The following BTBD7 variants were observed in gnomAD, a reference collection of about 807,000 sequenced individuals.
BTBD7 encodes the protein BTB/POZ domain-containing protein 7.
A neutral mutation model predicts 99.9 loss-of-function variants in BTBD7; 38 were observed. That is an observed-to-expected ratio of 0.38 (90% CI 0.29 to 0.50). The LOEUF (loss-of-function observed/expected upper bound fraction) is 0.50, where lower values mean the gene tolerates loss of function less well. Ranked by LOEUF, BTBD7 falls within the 20% of genes least tolerant of loss-of-function variation. The pLI, the probability that BTBD7 is intolerant of heterozygous loss-of-function variation, is 0.93. For synonymous variants in BTBD7, 520 were observed against 511.4 expected (o/e 1.02, Z -0.23); for missense variants, 1,170 against 1,394.6 (o/e 0.84, Z 2.57).
chr14:93,263,048 T>C (rs1389352772), intron 4 of BTBD7, among the ~76,000 whole-genome samples: 1 of 152,218 alleles, frequency 6.6e-6, no homozygotes, highest in Non-Finnish European at 1.5e-5. Flanking sequence ...GGTAGCATTT[T>C]ATTATTTTTC....
intron 1 of BTBD7, among the ~76,000 whole-genome samples, chr14:93,314,843 T>G (rs1390688235): frequency 6.6e-6 from 1 of 152,206 alleles, no homozygotes; most frequent in Non-Finnish European, 1.5e-5. Flanking sequence ...CATTGCTATT[T>G]TAATCTCTTA....
rs76765612 is a variant in BTBD7 at position 93,319,120 on chromosome 14, C to T, written c.-107+13700G>A. On this transcript the variant is annotated intron_variant, in intron 1 of 10. Coordinates refer to ENST00000334746, the MANE Select transcript of BTBD7 (RefSeq NM_001002860.4). ...TACTCCGGAGGCTGAGATGAGGGAT[C>T]ACTTGAGTCCAGGCATTTGAGGTTA... Among the ~76,000 whole-genome samples, 688 of 152,310 alleles carry T rather than the reference C, an allele frequency of 4.5e-3. 3 individuals are homozygous for T. Among genetic ancestry groups the T allele is most frequent in the African/African-American group, 0.016 (654 of 41,564 alleles).
chr14:93,317,363 CTTTTTTT>C (rs35376162), intron 1 of BTBD7, among the ~76,000 whole-genome samples: 2 of 146,428 alleles, frequency 1.4e-5, no homozygotes, highest in African/African-American at 5.0e-5. Flanking sequence ...AATGTTGATA[CTTTTTTT>C]TTTTTTTAAG....
chr14:93,249,908 T>C (rs903368758), intron 8 of BTBD7, among the ~76,000 whole-genome samples: 8 of 152,180 alleles, frequency 5.3e-5, no homozygotes, highest in Non-Finnish European at 8.8e-5. Flanking sequence ...GTGATTATTA[T>C]TTTTTAGGGA....
Position 93,305,674 on chromosome 14 carries a change from T to C in BTBD7, c.-106-9517A>G, listed in dbSNP as rs959541300. On this transcript the variant is annotated intron_variant, in intron 1 of 10. Coordinates refer to ENST00000334746, the MANE Select transcript of BTBD7 (RefSeq NM_001002860.4). ...GATATTCTTGGCCCTGTTAAGGCAA[T>C]GAAAGTCTGCATCTTAAAACTCTAT... 2.0e-5 allele frequency among the ~76,000 whole-genome samples: 3 copies of C among 152,360 alleles called. No individual in the cohort carries two copies. In the South Asian group the frequency reaches 6.2e-4, roughly 32 times the overall value.
intron 1 of BTBD7, among the ~76,000 whole-genome samples, chr14:93,297,367 GGCTGGAGTGCAGTGGC>G (rs2052941950): frequency 6.6e-6 from 1 of 152,214 alleles, no homozygotes; most frequent in Non-Finnish European, 1.5e-5. Flanking sequence ...CTGGCGCCCA[GGCTGGAGTGCAGTGGC>G]GCAATCTCGG....
Position 93,251,634 on chromosome 14 carries a change from T to C in BTBD7, c.1771A>G (p.Met591Val), listed in dbSNP as rs2139685245. The C allele has an allele frequency of 6.2e-7, 1 of 1,612,710 alleles. No individual in the cohort carries two copies. Among genetic ancestry groups the C allele is most frequent in the Non-Finnish European group, 8.5e-7 (1 of 1,179,018 alleles). ...CGCACAAGATCCGTTTGTTCCACCA[T>C]CATCTCATCTAGCACTGACTGAAAT... ...EEAKSVLDEM[M>V]VEQTDLVRLR... The change falls in exon 8 of 11, where the codon ATG (methionine) becomes GTG (valine). Residue 591 changes from methionine (M) to valine (V), a missense_variant. Around this residue, in one of 4 missense-constraint regions of BTBD7, gnomAD observed 309 missense variants for 342.0 expected, o/e 0.90. Transcript: ENST00000334746.
intron 7 of BTBD7, among the ~76,000 whole-genome samples, chr14:93,251,875 T>C (rs1295468904): frequency 6.6e-6 from 1 of 152,232 alleles, no homozygotes; most frequent in Non-Finnish European, 1.5e-5. Context: ...AAAAGTCTGC[T>C]TTTAATTAGA....
intron 3 of BTBD7, among the ~76,000 whole-genome samples, chr14:93,264,459 C>G (rs1481691584): frequency 6.6e-6 from 1 of 152,154 alleles, no homozygotes; most frequent in African/African-American, 2.4e-5. Flanking sequence ...GAAAACATAG[C>G]ACCTTGCATT....
intron 1 of BTBD7, among the ~76,000 whole-genome samples, chr14:93,298,981 A>G (rs2052961732): frequency 6.6e-6 from 1 of 152,208 alleles, no homozygotes; most frequent in Admixed American, 6.5e-5. Flanking sequence ...TTTGGGAGTT[A>G]GGGAAAATCT....
intron 1 of BTBD7, among the ~76,000 whole-genome samples, chr14:93,331,887 C>CCCCG (rs534688480): frequency 4.7e-5 from 7 of 147,736 alleles, no homozygotes; most frequent in African/African-American, 1.9e-4. Flanking sequence ...TCTCCCCCCC[C>CCCCG]CCAAAAAGGT....
At position 93,242,373 on chromosome 14, in the gene BTBD7, C is replaced by A; in HGVS notation, c.3299G>T (p.Gly1100Val). The A allele has an allele frequency of 6.2e-6, 10 of 1,614,214 alleles. No homozygotes were observed. Among genetic ancestry groups the A allele is most frequent in the Non-Finnish European group, 8.5e-6 (10 of 1,180,034 alleles). Residue 1100 changes from glycine to valine, a missense_variant, in exon 11 of 11, where the codon GGA becomes GTA. Physicochemically the swap from Gly to Val is moderately radical, Grantham distance 109. Transcript: ENST00000334746. ...RLADSESLGH[G>V]AQRNTDLERE... ...TTCCAAATCTGTATTTCTCTGAGCT[C>A]CATGGCCCAGGGACTCACTGTCTGC...
At chr14:93,252,052 G>A (rs2052374040) in intron 7 of BTBD7, among the ~76,000 whole-genome samples, 1 of 152,158 alleles carries the variant, frequency 6.6e-6, no homozygotes, top group African/African-American at 2.4e-5. Flanking sequence ...ACTCATGCCT[G>A]TAATCCCAGC....
chr14:93,294,762 C>A lies in BTBD7; in HGVS notation c.258G>T (p.Met86Ile), dbSNP rs2052903796. Residue 86 changes from methionine (M) to isoleucine (I), a missense_variant, in exon 3 of 11, where the codon ATG (methionine) becomes ATT (isoleucine). By Grantham distance (10) the Met-to-Ile change is conservative. Transcript: ENST00000334746. Reference sequence around the variant, plus strand: ...CATCCCACCCAGAGAGGAGTTCTCGCATCTGCTTGGCATGATCGGCAGACC... The same window carrying A: ...CATCCCACCCAGAGAGGAGTTCTCGAATCTGCTTGGCATGATCGGCAGACC... ...SNRSADHAKQ[M>I]RELLSGWDVR... 6.2e-7 allele frequency: 1 copy of A among 1,613,968 alleles called. No homozygotes were observed. Among genetic ancestry groups the A allele is most frequent in the Non-Finnish European group, 8.5e-7 (1 of 1,179,992 alleles).
chr14:93,247,865 A>G (rs1301076728), intron 9 of BTBD7, among the ~76,000 whole-genome samples: 1 of 152,226 alleles, frequency 6.6e-6, no homozygotes, highest in Non-Finnish European at 1.5e-5. Context: ...CTGGTAGGTT[A>G]AAAAAGAAAG....
chr14:93,264,045 GA>G (rs764295972), intron 3 of BTBD7, 52 bp from the exon 4 acceptor site: 2 of 1,492,516 alleles, frequency 1.3e-6, no homozygotes, highest in Non-Finnish European at 1.9e-6. Context: ...ATTACTTATT[GA>G]ACATTAGTGT....
intron 3 of BTBD7, among the ~76,000 whole-genome samples, chr14:93,282,866 T>G (rs2052737255): frequency 6.6e-6 from 1 of 152,182 alleles, no homozygotes; most frequent in African/African-American, 2.4e-5. Context: ...TGATGTTAAT[T>G]ATTCTATTTT....
intron 4 of BTBD7, among the ~76,000 whole-genome samples, chr14:93,262,719 C>T (rs1453697756): frequency 1.3e-5 from 2 of 151,612 alleles, no homozygotes; most frequent in Non-Finnish European, 2.9e-5. Context: ...TGTGAAATGG[C>T]AATGTAGCCC....
rs1351597366 is a variant in BTBD7, at chr14:93,308,392, A to G, written c.-106-12235T>C. ...GGATCACAGCGTACATATACCCTCA[A>G]ATACGACTTGTGGAAATGTTTCCAT... is the stretch of plus-strand genomic sequence containing the variant. On this transcript the variant is annotated intron_variant, in intron 1 of 10. Coordinates refer to ENST00000334746, the MANE Select transcript of BTBD7 (RefSeq NM_001002860.4). 3.9e-5 allele frequency among the ~76,000 whole-genome samples: 6 copies of G among 152,188 alleles called. No individual in the cohort carries two copies. The East Asian group carries it at 1.2e-3, about 29-fold the overall frequency.
Sources: gnomAD v4.1 joint callset for allele counts (sites outside exome capture counted in the v4.1 genomes callset) on GRCh38, gnomAD v4.1.1 for gene constraint, gnomAD v4.1.1 regional missense constraint, MANE v1.5 for transcripts, NCBI Gene and HGNC (gene_info 2026-07-23, HGNC 2026-07-21) for gene names.